Variants in JUP observed in about 807,000 individuals in gnomAD.
JUP encodes the protein junction plakoglobin.
In JUP, 28 loss-of-function variants were observed where a neutral mutation model predicts 71.1. The observed-to-expected ratio is 0.39, with a 90% CI of 0.29 to 0.54. The LOEUF (loss-of-function observed/expected upper bound fraction) is 0.54, where lower values mean the gene tolerates loss of function less well. JUP is among the 20% of genes least tolerant of loss of function. The pLI is 0.62. For synonymous variants in JUP, 401 were observed against 438.9 expected, an observed-to-expected ratio of 0.91 and a Z score of 1.08; for missense variants, 869 against 1,030.1, an observed-to-expected ratio of 0.84 and a Z score of 2.14.
chr17:41,769,692 G>A lies in JUP; in HGVS notation c.209-15C>T. 1 of 1,605,956 alleles carries A rather than the reference G, an allele frequency of 6.2e-7. No homozygotes were observed. Among genetic ancestry groups the A allele is most frequent in the Middle Eastern group, 1.7e-4 (1 of 5,930 alleles). On this transcript the variant is annotated splice_polypyrimidine_tract_variant and intron_variant, in intron 2 of 13. Coordinates refer to ENST00000393931, the MANE Select transcript of JUP (RefSeq NM_002230.4). ...CTCCAGATCACCTGGGGGCCATGGG[G>A]ACAGGGACTGAGTGCAGGCAGTGGG...
At chr17:41,758,312 G>A in intron 10 of JUP, 87 bp downstream of exon 10, 1 of 1,575,468 alleles carries the variant, frequency 6.3e-7, no homozygotes, top group Non-Finnish European at 8.7e-7. Context: ...TTGATACCTG[G>A]TCCAGGCCTC....
chr17:41,767,636 T>C lies in JUP; in HGVS notation c.708-56A>G, dbSNP rs562272989. The C allele has an allele frequency of 3.2e-4, 469 of 1,455,242 alleles. 9 individuals carry two copies. The Admixed American group carries it at 8.1e-3, about 25-fold the overall frequency. 90.1% of individuals were successfully genotyped at this position (1,455,242 alleles called of 1,614,324 possible). A position where few individuals can be genotyped will look rare whatever the true frequency, so the allele number is the denominator to read the frequency against. On this transcript the variant is annotated intron_variant, in intron 4 of 13. Transcript: ENST00000393931. Reference sequence around the variant, plus strand: ...AGGTCCCAGAGGCCTGGCATACATGTGAGCCTGGCATGGGTTCCCACCTCC... The same window carrying C: ...AGGTCCCAGAGGCCTGGCATACATGCGAGCCTGGCATGGGTTCCCACCTCC...
chr17:41,754,614 G>C lies in JUP; in HGVS notation c.*1130C>G, dbSNP rs1339775996. ...CCCCTAAACAGCCTCCAACGCATCT[G>C]TGTTATTTTTATTTTCTTTGCTTTG... On this transcript the variant is annotated 3_prime_UTR_variant, in exon 14 of 14. Transcript: ENST00000393931. The C allele has an allele frequency of 6.6e-6, 1 of 152,654 alleles. No individual in the cohort carries two copies. The highest frequency in any genetic ancestry group is 1.5e-5 in the Non-Finnish European group (1 of 68,064). The allele number at this position is 152,654 out of a possible 1,614,324, so 9.5% of individuals were successfully genotyped here. A position where few individuals can be genotyped will look rare whatever the true frequency, so the allele number is the denominator to read the frequency against.
rs1555597696 is a variant in JUP, at chr17:41,756,167, A to G, written c.2086+8T>C. 6.2e-7 allele frequency: 1 copy of G among 1,613,582 alleles called. No homozygotes were observed. The highest frequency in any genetic ancestry group is 1.1e-5 in the South Asian group (1 of 90,944). ...TCCAGGGTCCTGAAGAGCCCGGCAC[A>G]CACTTACCATCTCCATAGGGCTCAT... On this transcript the variant is annotated splice_region_variant and intron_variant, in intron 13 of 13. Coordinates refer to ENST00000393931, the MANE Select transcript of JUP (RefSeq NM_002230.4).
Position 41,763,273 on chromosome 17 carries a change from CCA to C in JUP, c.1205_1206del (p.Val402GlyfsTer2), listed in dbSNP as rs1555602420. 5 of 1,614,162 alleles carry C rather than the reference CCA, an allele frequency of 3.1e-6. No individual in the cohort carries two copies. Among genetic ancestry groups the C allele is most frequent in the Non-Finnish European group, 4.2e-6 (5 of 1,180,028 alleles). On this transcript the variant is annotated frameshift_variant, in exon 8 of 14. Transcript: ENST00000393931. LOFTEE classifies it high-confidence loss of function. Reference protein sequence around the residue: ...VLKILVNQLSVDDVNVLTCAT... With the variant: ...VLKILVNQLSXDDVNVLTCAT... The stretch of plus-strand genomic sequence containing the variant: ...GCACAGGTGAGGACGTTGACGTCAT[CCA>C]CACTCAGCTGATTCACCAGAATCTT...
At chr17:41,769,240 C>T in intron 3 of JUP, 33 bp from the exon 4 acceptor site, 1 of 1,590,400 alleles carries the variant, frequency 6.3e-7, no homozygotes, top group South Asian at 1.1e-5. Flanking sequence ...GGGACGTGAG[C>T]ACTAAGGAGA....
At chr17:41,783,098 A>C (rs935915513) in intron 1 of JUP, among the ~76,000 whole-genome samples, 1 of 146,396 alleles carries the variant, frequency 6.8e-6, no homozygotes, top group Non-Finnish European at 1.5e-5. Context: ...CTCCATCTCA[A>C]AAAAAAAAAA....
chr17:41,758,361 G>A (rs1914218932), intron 10 of JUP, 38 bp downstream of exon 10: 1 of 1,611,558 alleles, frequency 6.2e-7, no homozygotes, highest in Admixed American at 1.7e-5. Flanking sequence ...TTAAGCAGTG[G>A]TGGGGGGACC....
In JUP at chr17:41,763,043, G is replaced by A; in HGVS notation, c.1437C>T (p.Asn479=). 6.2e-7 allele frequency: 1 copy of A among 1,614,164 alleles called. No homozygotes were observed. Among genetic ancestry groups the A allele is most frequent in the Non-Finnish European group, 8.5e-7 (1 of 1,180,010 alleles). The change falls in exon 8 of 14, where the codon AAC becomes AAT. Residue 479 remains asparagine, a synonymous_variant. Transcript: ENST00000393931. ...AEMAQNSVRL[N]YGIPAIVKLL... ...GCTTCACGATGGCTGGGATGCCATAGTTGAGACGCACAGAGTTCTGGGCCA... is the reference window on the plus strand; with the variant it reads ...GCTTCACGATGGCTGGGATGCCATAATTGAGACGCACAGAGTTCTGGGCCA...
intron 1 of JUP, among the ~76,000 whole-genome samples, chr17:41,776,477 A>C (rs2046891451): frequency 1.3e-5 from 2 of 152,212 alleles, no homozygotes; most frequent in African/African-American, 2.4e-5. Flanking sequence ...GCATTTTGGA[A>C]GGCGGAGGTG....
At position 41,758,427 on chromosome 17, in the gene JUP, C is replaced by G. The variant is rs781828085; in HGVS notation, c.1745G>C (p.Arg582Pro). The G allele has an allele frequency of 6.2e-7, 1 of 1,613,558 alleles. No individual in the cohort carries two copies. Among genetic ancestry groups the G allele is most frequent in the African/African-American group, 1.3e-5 (1 of 74,856 alleles). ...CACAAACAGGGGAATGGTGTTGAGC[C>G]GGAAGATCTCCATGCGGTTCATGGG... ...RDPMNRMEIF[R>P]LNTIPLFVQL... The change falls in exon 10 of 14, where the codon CGG (arginine) becomes CCG (proline). Residue 582 changes from arginine to proline, a missense_variant. Transcript: ENST00000393931.
At chr17:41,755,991 ACC>A in intron 13 of JUP, 96 bp from the exon 14 acceptor site, 7 of 1,437,496 alleles carry the variant, frequency 4.9e-6, no homozygotes, top group Non-Finnish European at 6.5e-6. Flanking sequence ...ACCCATGCCC[ACC>A]CCTGGTGGGC....
Position 41,757,530 on chromosome 17 carries a change from T to C in JUP, c.1931A>G (p.Tyr644Cys). 1 of 1,614,092 alleles carries C rather than the reference T, an allele frequency of 6.2e-7. No homozygotes were observed. The highest frequency in any genetic ancestry group is 8.5e-7 in the Non-Finnish European group (1 of 1,180,010). The change falls in exon 12 of 14, where the codon TAC becomes TGC. Residue 644 changes from tyrosine to cysteine, a missense_variant. Tyr to Cys is a radical substitution (Grantham distance 194). Coordinates refer to ENST00000393931, the MANE Select transcript of JUP (RefSeq NM_002230.4). ...LHSRNEGTATYAAAVLFRISE... is the reference protein window; with the variant it reads ...LHSRNEGTATCAAAVLFRISE... ...GATGCGGAACAGGACGGCAGCAGCGTAGGTGGCTGAGCAGAGAGGAAAGGA... is the reference window on the plus strand; with the variant it reads ...GATGCGGAACAGGACGGCAGCAGCGCAGGTGGCTGAGCAGAGAGGAAAGGA...
chr17:41,781,867 C>T (rs2143888086), intron 1 of JUP, among the ~76,000 whole-genome samples: 1 of 152,322 alleles, frequency 6.6e-6, no homozygotes, highest in South Asian at 2.1e-4. Flanking sequence ...TGCGTCCCTT[C>T]AGTAAGTGCA....
intron 8 of JUP, among the ~76,000 whole-genome samples, chr17:41,762,166 A>AGTGTGT (rs1285649470): frequency 4.5e-5 from 3 of 66,978 alleles, no homozygotes; most frequent in African/African-American, 1.9e-4. Flanking sequence ...AGAGAGAGAG[A>AGTGTGT]GAGAGAGAGA....
chr17:41,763,426 C>A, intron 7 of JUP, 105 bp from the exon 8 acceptor site: 1 of 755,910 alleles, frequency 1.3e-6, no homozygotes, highest in Non-Finnish European at 2.2e-6. Context: ...GTCAGCCCTG[C>A]CTGTGTGTGC....
chr17:41,768,858 G>A (rs1335913966), intron 4 of JUP, 111 bp downstream of exon 4: 8 of 889,862 alleles, frequency 9.0e-6, no homozygotes, highest in Non-Finnish European at 1.4e-5. Flanking sequence ...GTGTGCTTCT[G>A]CCTGGCACAT....
chr17:41,755,269 G>A lies in JUP; in HGVS notation c.*475C>T. 1 of 399,538 alleles carries A rather than the reference G, an allele frequency of 2.5e-6. No individual in the cohort carries two copies. Among genetic ancestry groups the A allele is most frequent in the Non-Finnish European group, 4.4e-6 (1 of 226,834 alleles). 24.7% of individuals were successfully genotyped at this position (399,538 alleles called of 1,614,324 possible). A position where few individuals can be genotyped will look rare whatever the true frequency, so the allele number is the denominator to read the frequency against. ...GTGTCAGGCCCTGGACCCATGCCCA[G>A]GACAGAAAAGCAGGAGCAGAACACT... On this transcript the variant is annotated 3_prime_UTR_variant, in exon 14 of 14. Coordinates refer to ENST00000393931, the MANE Select transcript of JUP (RefSeq NM_002230.4).
chr17:41,781,129 G>A (rs1239118346), intron 1 of JUP, among the ~76,000 whole-genome samples: 3 of 150,480 alleles, frequency 2.0e-5, no homozygotes, highest in Non-Finnish European at 3.0e-5. Flanking sequence ...TGCAGCGAGC[G>A]GAGATCGTGC....
Sources: allele counts gnomAD v4.1 joint callset (sites outside exome capture counted in the v4.1 genomes callset), GRCh38; gene constraint gnomAD v4.1.1; transcripts MANE v1.5; gene names NCBI Gene and HGNC (gene_info 2026-07-23, HGNC 2026-07-21).